LINGO2: variants seen among roughly 807,000 people sequenced by gnomAD.
LINGO2 encodes leucine rich repeat and Ig domain containing 2.
Under a neutral mutation model 30.6 loss-of-function variants are expected in LINGO2, and 14 were observed. The ratio of observed to expected loss-of-function variants is 0.46; its 90% CI spans 0.30 to 0.72. The LOEUF (loss-of-function observed/expected upper bound fraction) is 0.72, where lower values mean the gene tolerates loss of function less well. LINGO2 is among the 30% of genes least tolerant of loss of function. The pLI, the probability that LINGO2 is intolerant of heterozygous loss-of-function variation, is 0.07. For synonymous variants in LINGO2, 317 were observed against 288.5 expected (o/e 1.10, Z -1.00); for missense variants, 729 against 751.7 (o/e 0.97, Z 0.35).
the LINGO2 span, among the ~76,000 whole-genome samples, chr9:29,111,889 T>TTATATATGTGTGTATATATACATATATC: frequency 6.7e-6 from 1 of 150,222 alleles, no homozygotes; most frequent in Non-Finnish European, 1.5e-5. Context: ...ATACATATAT[T>TTATATATGTGTGTATATATACATATATC]TATATATGTG....
At position 28,148,673 on chromosome 9, in the gene LINGO2, G is replaced by A; in HGVS notation, c.-86-136268C>T. On this transcript the variant is annotated intron_variant, in intron 4 of 5. Transcript: ENST00000379992. This position sits in a 1 kb window ranked among gnomAD's most constrained non-coding sequence, Gnocchi z 5.1. Reference sequence around the variant, plus strand: ...GACTGACAAGGCCCAGGTGCCTGCAGTGAGTTTCTACTCCAACGGCCATGG... The same window carrying A: ...GACTGACAAGGCCCAGGTGCCTGCAATGAGTTTCTACTCCAACGGCCATGG... The A allele has an allele frequency of 2.0e-6, 3 of 1,533,450 alleles. No homozygotes were observed. The highest frequency in any genetic ancestry group is 2.6e-6 in the Non-Finnish European group (3 of 1,145,828). 95.0% of individuals were successfully genotyped at this position (1,533,450 alleles called of 1,614,324 possible). A position where few individuals can be genotyped will look rare whatever the true frequency, so the allele number is the denominator to read the frequency against.
chr9:28,221,275 G>C (rs938720387), intron 4 of LINGO2, among the ~76,000 whole-genome samples: 1 of 141,062 alleles, frequency 7.1e-6, no homozygotes, highest in Non-Finnish European at 1.5e-5. Context: ...AGTCCAGCCT[G>C]GGTGACAGAG....
chr9:28,343,660 T>A (rs1355579835), intron 3 of LINGO2, among the ~76,000 whole-genome samples: 4 of 152,130 alleles, frequency 2.6e-5, no homozygotes, highest in African/African-American at 9.7e-5. Context: ...GAAAACTATT[T>A]AAGGATCTTA....
At chr9:28,395,850 G>A (rs924420394) in intron 2 of LINGO2, among the ~76,000 whole-genome samples, 1 of 152,106 alleles carries the variant, frequency 6.6e-6, no homozygotes, top group African/African-American at 2.4e-5. Context: ...TTTTGGAACA[G>A]GACTTATTAA....
chr9:28,448,592 G>T (rs1379389042), intron 2 of LINGO2, among the ~76,000 whole-genome samples: 1 of 152,050 alleles, frequency 6.6e-6, no homozygotes, highest in East Asian at 1.9e-4. Flanking sequence ...AAAAGAAGAT[G>T]ATCCAGATGC....
chr9:28,800,733 C>A, the LINGO2 span, among the ~76,000 whole-genome samples: 23 of 152,150 alleles, frequency 1.5e-4, no homozygotes, highest in African/African-American at 5.5e-4. Context: ...AAACATTCAT[C>A]AAGTGAAGGA....
At position 28,544,395 on chromosome 9, in the gene LINGO2, G is replaced by C. The variant is rs75344962; in HGVS notation, c.-364-68370C>G. On this transcript the variant is annotated intron_variant, in intron 1 of 5. Transcript: ENST00000379992. The stretch of plus-strand genomic sequence containing the variant: ...AGCTCTCTTGACTTTCACTTAGTTG[G>C]TGCTGGTTAACAGTATCTTTTCCCT... Among the ~76,000 whole-genome samples, 851 of 152,168 alleles carry C rather than the reference G, an allele frequency of 5.6e-3. 10 individuals are homozygous for C. The highest frequency in any genetic ancestry group is 0.02 in the African/African-American group (817 of 41,556).
intron 4 of LINGO2, among the ~76,000 whole-genome samples, chr9:28,055,423 C>T (rs1373056645): frequency 1.3e-5 from 2 of 152,132 alleles, no homozygotes; most frequent in African/African-American, 2.4e-5. Flanking sequence ...TGCCACATTT[C>T]TGTTGGGTAT....
At chr9:28,100,086 T>G (rs1826365984) in intron 4 of LINGO2, among the ~76,000 whole-genome samples, 1 of 152,190 alleles carries the variant, frequency 6.6e-6, no homozygotes, top group African/African-American at 2.4e-5. Flanking sequence ...TTCAAATCTG[T>G]TTTCCCATTA....
At chr9:29,158,867 C>T in the LINGO2 span, among the ~76,000 whole-genome samples, 216 of 148,048 alleles carry the variant, frequency 1.5e-3, no homozygotes, top group African/African-American at 5.2e-3. Context: ...AAACCCTTAT[C>T]CCTCTGAATT....
the LINGO2 span, among the ~76,000 whole-genome samples, chr9:28,857,292 A>G: frequency 6.6e-6 from 1 of 152,108 alleles, no homozygotes; most frequent in East Asian, 1.9e-4. Flanking sequence ...TTCAAAAGCC[A>G]CGTTACAACA....
chr9:28,256,109 A>T (rs1277418554), intron 4 of LINGO2, among the ~76,000 whole-genome samples: 1 of 152,032 alleles, frequency 6.6e-6, no homozygotes, highest in East Asian at 1.9e-4. Flanking sequence ...TAGACCAACG[A>T]TTTGGAGACA....
chr9:28,800,971 T>G, the LINGO2 span, among the ~76,000 whole-genome samples: 1 of 151,984 alleles, frequency 6.6e-6, no homozygotes, highest in Non-Finnish European at 1.5e-5. Context: ...TGCTGTAAGG[T>G]TGAGCAACAT....
chr9:28,576,911 A>C (rs1400219071), intron 1 of LINGO2, among the ~76,000 whole-genome samples: 1 of 152,172 alleles, frequency 6.6e-6, no homozygotes, highest in Non-Finnish European at 1.5e-5. Flanking sequence ...TCTAATATTT[A>C]AGAACTGCAA....
the LINGO2 span, among the ~76,000 whole-genome samples, chr9:28,880,046 C>T: frequency 6.6e-6 from 1 of 152,256 alleles, no homozygotes; most frequent in African/African-American, 2.4e-5. Flanking sequence ...ATTTTATTGA[C>T]GATGTATTAG....
At chr9:28,870,535 T>C in the LINGO2 span, among the ~76,000 whole-genome samples, 1 of 152,094 alleles carries the variant, frequency 6.6e-6, no homozygotes, top group Non-Finnish European at 1.5e-5. Context: ...AGTATAGTAT[T>C]TTCTATTCAT....
the LINGO2 span, among the ~76,000 whole-genome samples, chr9:28,797,357 T>TAG: frequency 0.012 from 653 of 55,102 alleles, 2 homozygotes; most frequent in African/African-American, 0.016. Flanking sequence ...TATATATATA[T>TAG]ATAGAGAGAG....
In LINGO2 at chr9:27,957,337, C is replaced by T. The variant is rs114431044; in HGVS notation, c.-35-6631G>A. 5.4e-3 allele frequency among the ~76,000 whole-genome samples: 821 copies of T among 152,066 alleles called. 6 individuals carry two copies. The highest frequency in any genetic ancestry group is 0.017 in the African/African-American group (701 of 41,464). The stretch of plus-strand genomic sequence containing the variant: ...TGGGACAGAGTCTTGCTTTGTCGCC[C>T]GGCTGGAGTGAGGTGGCGCAATCTT... On this transcript the variant is annotated intron_variant, in intron 5 of 5. Coordinates refer to ENST00000379992, the Ensembl canonical transcript of LINGO2.
chr9:28,416,905 A>G (rs1034935615), intron 2 of LINGO2, among the ~76,000 whole-genome samples: 1 of 152,184 alleles, frequency 6.6e-6, no homozygotes, highest in Non-Finnish European at 1.5e-5. Context: ...AGAATTGTAC[A>G]TATGTACCCA....
Sources: allele counts gnomAD v4.1 joint callset (sites outside exome capture counted in the v4.1 genomes callset), GRCh38; gene constraint gnomAD v4.1.1; non-coding constraint Gnocchi (gnomAD v3.1); transcripts MANE v1.5; gene names NCBI Gene and HGNC (gene_info 2026-07-23, HGNC 2026-07-21).